UGT1A8: variants seen among roughly 807,000 people sequenced by gnomAD.
UGT1A8 encodes UDP glucuronosyltransferase family 1 member A8, also known as UDP-glucuronosyltransferase 1A8.
Under a neutral mutation model 45.3 loss-of-function variants are expected in UGT1A8, and 39 were observed. The observed-to-expected ratio is 0.86, with a 90% confidence interval of 0.67 to 1.12. The LOEUF is 1.12. Among genes scored for constraint, UGT1A8 ranks in the 50% most tolerant of loss-of-function variants. The pLI is 0.00. For synonymous variants in UGT1A8, 275 were observed against 249.2 expected (o/e 1.10, Z -0.97); for missense variants, 719 against 664.9 (o/e 1.08, Z -0.90).
At chr2:233,682,140 G>A in intron 1 of UGT1A8, 1 of 1,614,198 alleles carries the variant, frequency 6.2e-7, no homozygotes, top group Non-Finnish European at 8.5e-7. Context: ...CAACTGGGAA[G>A]ATCACTGAAT....
At position 233,750,642 on chromosome 2, in the gene UGT1A8, C is replaced by G. The variant is rs1227116452; in HGVS notation, c.856-16392C>G. 2.7e-5 allele frequency: 4 copies of G among 149,396 alleles called. 1 individual carries two copies. The highest frequency in any genetic ancestry group is 1.0e-4 in the African/African-American group (4 of 38,716). 9.3% of individuals were successfully genotyped at this position (149,396 alleles called of 1,614,324 possible). On this transcript the variant is annotated intron_variant, in intron 1 of 4. Transcript: ENST00000373450. ...GGGTCCATGCTCCCCCTGCTGTGTGCAGCCTCAGGACTTGGTGCCCTGTGT... is the reference window on the plus strand; with the variant it reads ...GGGTCCATGCTCCCCCTGCTGTGTGGAGCCTCAGGACTTGGTGCCCTGTGT...
intron 1 of UGT1A8, among the ~76,000 whole-genome samples, chr2:233,653,287 C>T (rs1356192591): frequency 1.3e-5 from 2 of 152,304 alleles, no homozygotes; most frequent in Non-Finnish European, 1.5e-5. Flanking sequence ...GGCCACTTTA[C>T]ACCATAAAAT....
At chr2:233,719,056 C>T in intron 1 of UGT1A8, 1 of 1,614,284 alleles carries the variant, frequency 6.2e-7, no homozygotes, top group Non-Finnish European at 8.5e-7. Flanking sequence ...ACCCTGACAG[C>T]CTATGCTGTT....
intron 1 of UGT1A8, among the ~76,000 whole-genome samples, chr2:233,703,402 G>A (rs2075736582): frequency 6.6e-6 from 1 of 151,594 alleles, no homozygotes; most frequent in South Asian, 2.1e-4. Flanking sequence ...AAACAATTTT[G>A]GTTTTGTTTA....
At chr2:233,630,902 G>A (rs888651053) in intron 1 of UGT1A8, among the ~76,000 whole-genome samples, 4 of 150,358 alleles carry the variant, frequency 2.7e-5, no homozygotes, top group East Asian at 1.9e-4. Context: ...TTGTTACATA[G>A]GTATACACGT....
intron 1 of UGT1A8, among the ~76,000 whole-genome samples, chr2:233,667,827 A>G (rs987385434): frequency 6.6e-6 from 1 of 152,258 alleles, no homozygotes; most frequent in Non-Finnish European, 1.5e-5. Context: ...CAAAACCACA[A>G]TGAGATACCA....
In UGT1A8 at chr2:233,760,993, G is replaced by C. The variant is rs367668492; in HGVS notation, c.856-6041G>C. ...TTCCCCGTATGCAACCCTTGCCTCA[G>C]AATTCCTTCAGAGAGAGGTGACTGT... On this transcript the variant is annotated intron_variant, in intron 1 of 4. Coordinates refer to ENST00000373450, the MANE Select transcript of UGT1A8 (RefSeq NM_019076.5). The C allele has an allele frequency of 4.5e-5, 73 of 1,614,036 alleles. No homozygotes were observed. Among genetic ancestry groups the C allele is most frequent in the South Asian group, 2.0e-4 (18 of 91,074 alleles).
chr2:233,658,807 C>T (rs2125485612), intron 1 of UGT1A8, among the ~76,000 whole-genome samples: 1 of 152,286 alleles, frequency 6.6e-6, no homozygotes, highest in Middle Eastern at 3.4e-3. Flanking sequence ...TATTTCTGGA[C>T]TTTCTACTCT....
rs1559415894 is a variant in UGT1A8, at chr2:233,768,434, C to CA, written c.1294dup (p.Ser432LysfsTer74). 6.2e-7 allele frequency: 1 copy of CA among 1,613,634 alleles called. No individual in the cohort carries two copies. The highest frequency in any genetic ancestry group is 1.1e-5 in the South Asian group (1 of 90,992). Reference sequence around the variant, plus strand: ...ATGCTCTAAAAGCAGTCATCAATGACAAAAGGTAAGAAAGAAGATACAGAA... The same window carrying CA: ...ATGCTCTAAAAGCAGTCATCAATGACAAAAAGGTAAGAAAGAAGATACAGAA... On this transcript the variant is annotated frameshift_variant, in exon 4 of 5. Transcript: ENST00000373450. LOFTEE classifies it high-confidence loss of function.
rs1239644692 is a variant in UGT1A8 at position 233,769,886 on chromosome 2, C to T, written c.1295+1447C>T. On this transcript the variant is annotated intron_variant, in intron 4 of 4. Coordinates refer to ENST00000373450, the MANE Select transcript of UGT1A8 (RefSeq NM_019076.5). The surrounding 1 kb of genome is among the most constrained non-coding windows in gnomAD (Gnocchi z 4.4). ...AAAAAAAAAAAAAATGAAAAGTCCACATAACCTGAGCATCATGTGCCCAGA... is the reference window on the plus strand; with the variant it reads ...AAAAAAAAAAAAAATGAAAAGTCCATATAACCTGAGCATCATGTGCCCAGA... The T allele has an allele frequency of 5.3e-5, 21 of 399,374 alleles. No individual in the cohort carries two copies. The South Asian group carries it at 8.0e-4, about 15-fold the overall frequency. The allele number at this position is 399,374 out of a possible 1,614,324, so 24.7% of individuals were successfully genotyped here.
chr2:233,632,883 T>C (rs2073217331), intron 1 of UGT1A8, among the ~76,000 whole-genome samples: 1 of 152,202 alleles, frequency 6.6e-6, no homozygotes, highest in Admixed American at 6.5e-5. Context: ...ATAGGAGTGG[T>C]GAGAGAGGGC....
intron 1 of UGT1A8, among the ~76,000 whole-genome samples, chr2:233,726,395 C>G (rs2077529698): frequency 6.6e-6 from 1 of 152,174 alleles, no homozygotes; most frequent in African/African-American, 2.4e-5. Flanking sequence ...ATCTCATAGT[C>G]TTTTGATGTC....
At chr2:233,713,365 A>G (rs759531587) in intron 1 of UGT1A8, 3 of 1,614,078 alleles carry the variant, frequency 1.9e-6, no homozygotes, top group African/African-American at 1.3e-5. Flanking sequence ...TTGATCATAC[A>G]TAGGTCTTGT....
At chr2:233,743,983 G>A (rs1033622103) in intron 1 of UGT1A8, 34 of 1,288,222 alleles carry the variant, frequency 2.6e-5, no homozygotes, top group Middle Eastern at 4.7e-4. Flanking sequence ...GCACCCAGGC[G>A]CAGGCCCGAG....
At chr2:233,666,599 G>T (rs572699888) in intron 1 of UGT1A8, among the ~76,000 whole-genome samples, 1 of 150,990 alleles carries the variant, frequency 6.6e-6, no homozygotes, top group East Asian at 1.9e-4. Flanking sequence ...GTCTGTAGAT[G>T]TTTTTTTTAA....
At chr2:233,650,302 T>C (rs2073708642) in intron 1 of UGT1A8, among the ~76,000 whole-genome samples, 1 of 152,218 alleles carries the variant, frequency 6.6e-6, no homozygotes, top group Non-Finnish European at 1.5e-5. Flanking sequence ...ATAATTTCCA[T>C]TGAAGGGTTT....
intron 1 of UGT1A8, among the ~76,000 whole-genome samples, chr2:233,759,447 C>G (rs1697141448): frequency 1.3e-5 from 2 of 152,254 alleles, no homozygotes; most frequent in Non-Finnish European, 2.9e-5. Context: ...TAAATCCAGG[C>G]CCAGTTAGCC....
chr2:233,682,400 T>A, intron 1 of UGT1A8: 1 of 1,614,010 alleles, frequency 6.2e-7, no homozygotes, highest in Non-Finnish European at 8.5e-7. Context: ...TGCCTGTGGC[T>A]TAATTGTTGC....
At position 233,717,136 on chromosome 2, in the gene UGT1A8, T is replaced by A. The variant is rs565667210; in HGVS notation, c.856-49898T>A. Among the ~76,000 whole-genome samples, 275 of 152,170 alleles carry A rather than the reference T, an allele frequency of 1.8e-3. 2 individuals are homozygous for A. The highest frequency in any genetic ancestry group is 1.2e-3 in the Non-Finnish European group (83 of 68,008). On this transcript the variant is annotated intron_variant, in intron 1 of 4. Coordinates refer to ENST00000373450, the MANE Select transcript of UGT1A8 (RefSeq NM_019076.5). Reference sequence around the variant, plus strand: ...CCACTACATGGAAATAGAACACCACTACATGGAAATAGAACATGGGAGCCC... The same window carrying A: ...CCACTACATGGAAATAGAACACCACAACATGGAAATAGAACATGGGAGCCC...
Sources: gnomAD v4.1 joint callset for allele counts (sites outside exome capture counted in the v4.1 genomes callset) on GRCh38, gnomAD v4.1.1 for gene constraint, Gnocchi (gnomAD v3.1) non-coding constraint, MANE v1.5 for transcripts, NCBI Gene and HGNC (gene_info 2026-07-23, HGNC 2026-07-21) for gene names.